Variants in SH3RF1 observed in about 807,000 individuals in gnomAD.
SH3RF1 encodes the protein E3 ubiquitin-protein ligase SH3RF1.
A neutral mutation model predicts 74.0 loss-of-function variants in SH3RF1; 32 were observed. The observed-to-expected ratio is 0.43, with a 90% CI of 0.33 to 0.58. The LOEUF is 0.58. Ranked by LOEUF, SH3RF1 falls within the 20% of genes least tolerant of loss-of-function variation. The pLI, the probability that SH3RF1 is intolerant of heterozygous loss-of-function variation, is 0.05. For synonymous variants in SH3RF1, 396 were observed against 439.6 expected (o/e 0.90, Z 1.24); for missense variants, 954 against 1,130.9 (o/e 0.84, Z 2.24).
At chr4:169,253,728 A>G (rs1245359404) in intron 2 of SH3RF1, among the ~76,000 whole-genome samples, 1 of 152,176 alleles carries the variant, frequency 6.6e-6, no homozygotes, top group African/African-American at 2.4e-5. Flanking sequence ...TACATGTAAC[A>G]TTTTGCATTC....
intron 2 of SH3RF1, among the ~76,000 whole-genome samples, chr4:169,209,542 T>A (rs1414759032): frequency 2.6e-5 from 4 of 152,154 alleles, no homozygotes; most frequent in African/African-American, 9.7e-5. Context: ...AGGGACCATA[T>A]CTTGCTTGTA....
intron 2 of SH3RF1, among the ~76,000 whole-genome samples, chr4:169,177,358 T>C (rs1191387481): frequency 3.3e-5 from 5 of 152,196 alleles, no homozygotes; most frequent in African/African-American, 1.2e-4. Flanking sequence ...ATCTTTATAA[T>C]CACCCACTTG....
intron 2 of SH3RF1, among the ~76,000 whole-genome samples, chr4:169,213,712 T>C (rs1488597917): frequency 6.6e-6 from 1 of 152,266 alleles, no homozygotes; most frequent in African/African-American, 2.4e-5. Flanking sequence ...CGTCTGTTTC[T>C]AGATTCATTG....
rs550742259 is a variant in SH3RF1 at position 169,259,545 on chromosome 4, C to T, written c.393+9275G>A. On this transcript the variant is annotated intron_variant, in intron 2 of 11. Transcript: ENST00000284637. ...ACGCGACAAAAGGATTGCAGAGCCA[C>T]GAAAAAGGGTGCCTGGGGCTCTGAA... Among the ~76,000 whole-genome samples the T allele has an allele frequency of 1.2e-4, 19 of 152,120 alleles. 1 individual carries two copies. The South Asian group carries it at 2.3e-3, about 18-fold the overall frequency.
At chr4:169,245,552 A>G (rs1011384169) in intron 2 of SH3RF1, among the ~76,000 whole-genome samples, 2 of 152,172 alleles carry the variant, frequency 1.3e-5, no homozygotes, top group African/African-American at 4.8e-5. Context: ...CAAAGCTCCA[A>G]TTGGTCTAAC....
intron 6 of SH3RF1, among the ~76,000 whole-genome samples, chr4:169,129,535 AG>A (rs1733579336): frequency 6.6e-6 from 1 of 152,194 alleles, no homozygotes; most frequent in Non-Finnish European, 1.5e-5. Context: ...ACATAATCTA[AG>A]GGGGCCTTCC....
At chr4:169,201,031 T>A (rs1734898805) in intron 2 of SH3RF1, among the ~76,000 whole-genome samples, 1 of 152,006 alleles carries the variant, frequency 6.6e-6, no homozygotes, top group South Asian at 2.1e-4. Context: ...GGATTCCAAA[T>A]ATAAAGAAAT....
At chr4:169,251,966 G>A (rs1731112270) in intron 2 of SH3RF1, among the ~76,000 whole-genome samples, 1 of 152,162 alleles carries the variant, frequency 6.6e-6, no homozygotes, top group Non-Finnish European at 1.5e-5. Context: ...GATCATACAT[G>A]TGTTTGTGCC....
chr4:169,137,099 A>G (rs1733714442), intron 4 of SH3RF1, among the ~76,000 whole-genome samples: 1 of 152,190 alleles, frequency 6.6e-6, no homozygotes, highest in Admixed American at 6.5e-5. Context: ...ACAAAGAATA[A>G]AACCATTCAA....
intron 2 of SH3RF1, among the ~76,000 whole-genome samples, chr4:169,158,340 G>A (rs1734095748): frequency 6.6e-6 from 1 of 152,126 alleles, no homozygotes; most frequent in Non-Finnish European, 1.5e-5. Context: ...CCAGGCAGAG[G>A]GGTCAGCACC....
At chr4:169,248,301 T>G (rs1579161667) in intron 2 of SH3RF1, among the ~76,000 whole-genome samples, 1 of 152,172 alleles carries the variant, frequency 6.6e-6, no homozygotes, top group East Asian at 1.9e-4. Context: ...TGGAATACCA[T>G]GCAGCCATAA....
chr4:169,126,321 T>C (rs1465781621), intron 6 of SH3RF1, among the ~76,000 whole-genome samples: 1 of 152,206 alleles, frequency 6.6e-6, no homozygotes, highest in Non-Finnish European at 1.5e-5. Context: ...CTAGAATCCT[T>C]TCCTGTTGCT....
At chr4:169,150,723 T>A (rs35612447) in intron 4 of SH3RF1, among the ~76,000 whole-genome samples, 1 of 151,984 alleles carries the variant, frequency 6.6e-6, no homozygotes, top group Non-Finnish European at 1.5e-5. Flanking sequence ...CGCCATTTTA[T>A]GTGAGGGACT....
Position 169,095,515 on chromosome 4 carries a change from TCA to T in SH3RF1, c.*1002_*1003del, listed in dbSNP as rs907461723. Reference sequence around the variant, plus strand: ...ATCACAATGGATGAATATGAACTTTTCACAGTGTTTCTTATAGCCTTTGACTT... The same window carrying T: ...ATCACAATGGATGAATATGAACTTTTCAGTGTTTCTTATAGCCTTTGACTT... On this transcript the variant is annotated 3_prime_UTR_variant, in exon 12 of 12. Coordinates refer to ENST00000284637, the MANE Select transcript of SH3RF1 (RefSeq NM_020870.4). The T allele has an allele frequency of 1.3e-5, 2 of 152,640 alleles. No individual in the cohort carries two copies. Among genetic ancestry groups the T allele is most frequent in the African/African-American group, 4.8e-5 (2 of 41,434 alleles). The allele number at this position is 152,640 out of a possible 1,614,324, so 9.5% of individuals were successfully genotyped here.
chr4:169,195,721 G>C (rs1013634489), intron 2 of SH3RF1, among the ~76,000 whole-genome samples: 3 of 152,062 alleles, frequency 2.0e-5, no homozygotes, highest in African/African-American at 7.2e-5. Context: ...ATAAACCTAT[G>C]TAGTGAGTTG....
chr4:169,265,680 C>A (rs904149850), intron 2 of SH3RF1, among the ~76,000 whole-genome samples: 1 of 152,066 alleles, frequency 6.6e-6, no homozygotes, highest in African/African-American at 2.4e-5. Flanking sequence ...ACCATGTTGA[C>A]CATGGTGGTC....
chr4:169,230,587 A>G (rs1363272189), intron 2 of SH3RF1, among the ~76,000 whole-genome samples: 1 of 152,188 alleles, frequency 6.6e-6, no homozygotes. Flanking sequence ...ACGTGGGCGC[A>G]GTGACTCACA....
In SH3RF1 at chr4:169,152,640, C is replaced by T. The variant is rs753044166; in HGVS notation, c.765+2840G>A. Among the ~76,000 whole-genome samples, 9 of 152,006 alleles carry T rather than the reference C, an allele frequency of 5.9e-5. No homozygotes were observed. In the South Asian group the frequency reaches 1.9e-3, roughly 32 times the overall value. On this transcript the variant is annotated intron_variant, in intron 4 of 11. Coordinates refer to ENST00000284637, the MANE Select transcript of SH3RF1 (RefSeq NM_020870.4). The stretch of plus-strand genomic sequence containing the variant: ...TAATCCCAGCTACTTGGGAGGCTGA[C>T]GCAAGAGAATTGCTTGAACCCGGAA...
At chr4:169,105,256 C>T (rs1475392509) in intron 11 of SH3RF1, among the ~76,000 whole-genome samples, 3 of 152,102 alleles carry the variant, frequency 2.0e-5, no homozygotes, top group Non-Finnish European at 4.4e-5. Flanking sequence ...ACAGATGACA[C>T]TTAAGACAAA....
Sources: gnomAD v4.1 joint callset for allele counts (sites outside exome capture counted in the v4.1 genomes callset) on GRCh38, gnomAD v4.1.1 for gene constraint, MANE v1.5 for transcripts, NCBI Gene and HGNC (gene_info 2026-07-23, HGNC 2026-07-21) for gene names.